The following PRH1 variants were observed in gnomAD, a reference collection of about 807,000 sequenced individuals.
PRH1 encodes the protein salivary acidic proline-rich phosphoprotein 1/2.
A neutral mutation model predicts 7.9 loss-of-function variants in PRH1; 7 were observed. The observed-to-expected ratio is 0.89, with a 90% CI of 0.50 to 1.67. PRH1 has a LOEUF of 1.67. PRH1 is among the 40% of genes most tolerant of loss of function. The pLI, the probability that PRH1 is intolerant of heterozygous loss-of-function variation, is 0.00. For missense variants in PRH1, 109 were observed against 223.6 expected (o/e 0.49, Z 3.27); for synonymous variants, 45 against 80.8 (o/e 0.56, Z 2.38).
chr12:10,985,115 A>C (rs1198334742), intron 1 of PRH1, among the ~76,000 whole-genome samples: 1 of 152,048 alleles, frequency 6.6e-6, no homozygotes, highest in Non-Finnish European at 1.5e-5. Context: ...TCTCAACTTC[A>C]AAAAAGGTTT....
intron 2 of PRH1, among the ~76,000 whole-genome samples, chr12:10,973,110 ATAAG>A (rs1938914301): frequency 6.6e-6 from 1 of 152,120 alleles, no homozygotes; most frequent in Non-Finnish European, 1.5e-5. Flanking sequence ...GCTTAGGTCT[ATAAG>A]TAAGTTATCC....
At chr12:10,916,273 T>A (rs1478461839) in intron 2 of PRH1, among the ~76,000 whole-genome samples, 1 of 108,856 alleles carries the variant, frequency 9.2e-6, no homozygotes. Flanking sequence ...CCATGACACA[T>A]GGGAATTACT....
intron 2 of PRH1, among the ~76,000 whole-genome samples, chr12:10,915,090 T>G (rs1398740819): frequency 2.6e-5 from 4 of 152,176 alleles, no homozygotes. Flanking sequence ...ATCATGCCAC[T>G]GCACTCCAGC....
intron 1 of PRH1, among the ~76,000 whole-genome samples, chr12:10,984,623 G>T (rs1269362008): frequency 6.6e-6 from 1 of 152,014 alleles, no homozygotes; most frequent in Non-Finnish European, 1.5e-5. Context: ...TACCAGGAAA[G>T]ATATATGATA....
intron 2 of PRH1, among the ~76,000 whole-genome samples, chr12:10,910,861 T>C (rs1222151923): frequency 1.3e-5 from 2 of 152,256 alleles, no homozygotes; most frequent in Non-Finnish European, 2.9e-5. Flanking sequence ...GTTTGTATTT[T>C]ATTACTCATG....
intron 1 of PRH1, among the ~76,000 whole-genome samples, chr12:11,107,848 A>T (rs1945469693): frequency 6.6e-6 from 1 of 152,248 alleles, no homozygotes; most frequent in South Asian, 2.1e-4. Context: ...GACTACCTCA[A>T]AGAATTTAAT....
chr12:11,067,112 T>C (rs1029251341), intron 1 of PRH1, among the ~76,000 whole-genome samples: 5 of 152,164 alleles, frequency 3.3e-5, no homozygotes, highest in Admixed American at 2.6e-4. Flanking sequence ...CATTTTACTA[T>C]AGCAGTGAAA....
upstream of PRH1, among the ~76,000 whole-genome samples, chr12:10,887,118 C>CT (rs1003369186): frequency 6.6e-6 from 1 of 152,192 alleles, no homozygotes; most frequent in African/African-American, 2.4e-5. Context: ...ATGCCTCACT[C>CT]TTTTTTGAAA....
intron 1 of PRH1, among the ~76,000 whole-genome samples, chr12:11,138,427 C>T (rs530861263): frequency 1.3e-5 from 2 of 151,974 alleles, no homozygotes; most frequent in Non-Finnish European, 2.9e-5. Flanking sequence ...TATATAGTAA[C>T]AAAATATTTA....
At chr12:10,920,673 A>G (rs1950033778) in intron 2 of PRH1, among the ~76,000 whole-genome samples, 1 of 152,096 alleles carries the variant, frequency 6.6e-6, no homozygotes, top group Non-Finnish European at 1.5e-5. Context: ...TAAATTATCT[A>G]GGTGGAATTA....
chr12:10,923,176 A>G (rs906403092), intron 2 of PRH1, among the ~76,000 whole-genome samples: 2 of 138,998 alleles, frequency 1.4e-5, no homozygotes, highest in African/African-American at 5.5e-5. Context: ...CCCAGGCTGG[A>G]GTTCAATGGT....
At chr12:10,881,751 TA>T (rs1949404134) in intron 3 of PRH1, among the ~76,000 whole-genome samples, 1 of 152,192 alleles carries the variant, frequency 6.6e-6, no homozygotes, top group South Asian at 2.1e-4. Context: ...TTTGTTAGCT[TA>T]AGCATGTATG....
At chr12:11,053,343 C>T (rs1943232607) in intron 1 of PRH1, among the ~76,000 whole-genome samples, 1 of 152,168 alleles carries the variant, frequency 6.6e-6, no homozygotes, top group Admixed American at 6.5e-5. Flanking sequence ...TTTATTTAGC[C>T]CTAAAATCCT....
chr12:11,162,278 A>T (rs1297985650), intron 1 of PRH1, among the ~76,000 whole-genome samples: 2 of 152,180 alleles, frequency 1.3e-5, no homozygotes, highest in Admixed American at 1.3e-4. Context: ...CTATCAAGGA[A>T]GGTTTGTCAC....
chr12:10,910,035 C>A (rs2135826573), intron 2 of PRH1, among the ~76,000 whole-genome samples: 1 of 152,170 alleles, frequency 6.6e-6, no homozygotes, highest in Non-Finnish European at 1.5e-5. Flanking sequence ...GATAAAAAAA[C>A]AAATTTTACA....
At chr12:11,020,555 C>T (rs191861159) in intron 1 of PRH1, among the ~76,000 whole-genome samples, 1 of 152,110 alleles carries the variant, frequency 6.6e-6, no homozygotes. Context: ...TATAATAGAA[C>T]TTGGTATCAA....
At chr12:11,105,685 T>C (rs948336497) in intron 1 of PRH1, among the ~76,000 whole-genome samples, 16 of 152,216 alleles carry the variant, frequency 1.1e-4, no homozygotes, top group African/African-American at 3.4e-4. Context: ...CAATTTGTGT[T>C]CAGCAACTTC....
intron 2 of PRH1, among the ~76,000 whole-genome samples, chr12:10,920,225 C>G (rs1020948691): frequency 6.8e-6 from 1 of 147,044 alleles, no homozygotes; most frequent in East Asian, 1.9e-4. Flanking sequence ...ACTGGATACC[C>G]CTACCTTAAT....
At chr12:11,075,162 T>C (rs1450574284) in intron 1 of PRH1, among the ~76,000 whole-genome samples, 28,897 of 83,476 alleles carry the variant, frequency 0.35, 3,422 homozygotes, top group Non-Finnish European at 0.45. Context: ...GCATTTATAA[T>C]ATGGCAATTA....
Sources: allele counts gnomAD v4.1 joint callset (sites outside exome capture counted in the v4.1 genomes callset), GRCh38; gene constraint gnomAD v4.1.1; transcripts MANE v1.5; gene names NCBI Gene and HGNC (gene_info 2026-07-23, HGNC 2026-07-21).